Variants in SYT12 observed in about 807,000 individuals in gnomAD.
SYT12 encodes the protein synaptotagmin 12.
In SYT12, 27 loss-of-function variants were observed where a neutral mutation model predicts 39.5. The observed-to-expected ratio is 0.68, with a 90% confidence interval of 0.50 to 0.94. SYT12 has a LOEUF of 0.94. SYT12 is among the 40% of genes least tolerant of loss of function. SYT12 has a pLI of 0.00. For synonymous variants in SYT12, 233 were observed against 239.7 expected (o/e 0.97, Z 0.26); for missense variants, 536 against 572.6 (o/e 0.94, Z 0.65).
upstream of SYT12, among the ~76,000 whole-genome samples, chr11:67,018,689 G>A (rs1180255906): frequency 1.3e-5 from 2 of 152,120 alleles, no homozygotes; most frequent in African/African-American, 4.8e-5. Flanking sequence ...CGGGCATGGT[G>A]GTGAGCACCT....
intron 3 of SYT12, among the ~76,000 whole-genome samples, chr11:67,035,837 C>CTTTCTTTCTTTCTTT (rs1950363998): frequency 8.1e-5 from 9 of 111,142 alleles, no homozygotes; most frequent in East Asian, 2.8e-4. Context: ...TTCCTTCCTT[C>CTTTCTTTCTTTCTTT]CTTTCTTTCT....
intron 1 of SYT12, chr11:67,027,499 CAAAAAAAAAAAAAAA>C (rs970216195): frequency 3.1e-5 from 1 of 32,168 alleles, no homozygotes; most frequent in Admixed American, 3.2e-4. Flanking sequence ...GGCTCTGTCT[CAAAAAAAAAAAAAAA>C]AAAAAAAAAA....
At chr11:67,032,905 CA>C (rs562451881) in intron 2 of SYT12, 8,439 of 67,164 alleles carry the variant, frequency 0.13, 676 homozygotes, top group African/African-American at 0.32. Flanking sequence ...AACTCCATCT[CA>C]AAAAAAAAAA....
In SYT12 at chr11:67,050,456, AGGG is replaced by A. The variant is rs889739367; in HGVS notation, c.*1701_*1703del. 5.9e-5 allele frequency: 9 copies of A among 152,532 alleles called. No homozygotes were observed. The highest frequency in any genetic ancestry group is 5.9e-4 in the Admixed American group (9 of 15,280). The allele number at this position is 152,532 out of a possible 1,614,324, so 9.4% of individuals were successfully genotyped here. A position where few individuals can be genotyped will look rare whatever the true frequency, so the allele number is the denominator to read the frequency against. ...TTATCCCCAGTGATATGGGGGGAGG[AGGG>A]GCTAGAACAAGGGCCCAGGGGACTG... On this transcript the variant is annotated 3_prime_UTR_variant, in exon 8 of 8. Coordinates refer to ENST00000527043, the MANE Select transcript of SYT12 (RefSeq NM_177963.4).
intron 1 of SYT12, among the ~76,000 whole-genome samples, chr11:67,024,930 A>C (rs1950161528): frequency 6.6e-6 from 1 of 152,154 alleles, no homozygotes; most frequent in Non-Finnish European, 1.5e-5. Context: ...TCCCCCGCCG[A>C]GGCACAACAT....
Position 67,043,831 on chromosome 11 carries a change from T to C in SYT12, c.815T>C (p.Leu272Pro). ...CCGCTGCAGCCCTTCAGTGGCTGGCTCTATTTACAGGACCAGAACAAGGTA... is the reference window on the plus strand; with the variant it reads ...CCGCTGCAGCCCTTCAGTGGCTGGCCCTATTTACAGGACCAGAACAAGGTA... ...DLPLQPFSGW[L>P]YLQDQNKAAD... The change falls in exon 5 of 8, where the codon CTC (leucine) becomes CCC (proline). Residue 272 changes from leucine (L) to proline (P), a missense_variant. Transcript: ENST00000527043. 1.2e-6 allele frequency: 2 copies of C among 1,614,084 alleles called. No homozygotes were observed. Among genetic ancestry groups the C allele is most frequent in the South Asian group, 1.1e-5 (1 of 91,088 alleles).
chr11:67,021,908 G>A (rs1327135498), upstream of SYT12: 1 of 151,908 alleles, frequency 6.6e-6, no homozygotes, highest in African/African-American at 2.4e-5. Flanking sequence ...CCCCCTGTGG[G>A]TGAAGGTAAG....
At chr11:67,010,524 G>A (rs1287875603) in intron 2 of SYT12, among the ~76,000 whole-genome samples, 1 of 152,174 alleles carries the variant, frequency 6.6e-6, no homozygotes, top group Non-Finnish European at 1.5e-5. Flanking sequence ...CCAACCCTGA[G>A]CTCATGCCCC....
intron 1 of SYT12, among the ~76,000 whole-genome samples, chr11:67,023,868 C>T (rs1173599596): frequency 1.3e-5 from 2 of 152,240 alleles, no homozygotes; most frequent in Admixed American, 6.5e-5. Flanking sequence ...GAGGCAGGAG[C>T]GCTGGGTCTG....
chr11:67,017,089 C>A (rs1950064440), intron 3 of SYT12, among the ~76,000 whole-genome samples: 1 of 152,198 alleles, frequency 6.6e-6, no homozygotes, highest in Non-Finnish European at 1.5e-5. Context: ...GTCCTCCAAC[C>A]TCATGAGTGA....
rs976514264 is a variant in SYT12 at position 67,049,412 on chromosome 11, G to A, written c.*655G>A. On this transcript the variant is annotated 3_prime_UTR_variant, in exon 8 of 8. Coordinates refer to ENST00000527043, the MANE Select transcript of SYT12 (RefSeq NM_177963.4). The stretch of plus-strand genomic sequence containing the variant: ...CTCGGGGCCGGAGAAGAGACCAAGA[G>A]ACCAGGCCCGGGCAGCAGCCTACCG... The A allele has an allele frequency of 6.6e-6, 1 of 152,260 alleles. No homozygotes were observed. The highest frequency in any genetic ancestry group is 2.4e-5 in the African/African-American group (1 of 41,458). 9.4% of individuals were successfully genotyped at this position (152,260 alleles called of 1,614,324 possible).
chr11:67,034,956 C>T (rs1950331136), intron 3 of SYT12, 118 bp downstream of exon 3: 1 of 705,904 alleles, frequency 1.4e-6, no homozygotes, highest in South Asian at 2.9e-5. Context: ...TAATGTCCTC[C>T]TTTGAAAGGG....
At chr11:67,014,936 A>T (rs1027888738) in intron 3 of SYT12, among the ~76,000 whole-genome samples, 1 of 152,172 alleles carries the variant, frequency 6.6e-6, no homozygotes, top group Non-Finnish European at 1.5e-5. Flanking sequence ...GTAAAAAAAA[A>T]AAAATTATTT....
Position 67,043,574 on chromosome 11 carries a change from A to G in SYT12, c.622-64A>G, listed in dbSNP as rs540734484. The G allele has an allele frequency of 1.4e-5, 21 of 1,501,330 alleles. No individual in the cohort carries two copies. In the East Asian group the frequency reaches 4.1e-4, roughly 29 times the overall value. 93.0% of individuals were successfully genotyped at this position (1,501,330 alleles called of 1,614,324 possible). On this transcript the variant is annotated intron_variant, in intron 4 of 7. Transcript: ENST00000527043. ...GCCTGGGCCTCTGGACTCCCTGTCC[A>G]GTGCTGTCTCCCTGCTGTGGCCTCT...
chr11:67,033,080 C>G (rs1259157384), intron 2 of SYT12, among the ~76,000 whole-genome samples: 2 of 152,128 alleles, frequency 1.3e-5, no homozygotes, highest in African/African-American at 4.8e-5. Context: ...ACTGTGTGAT[C>G]CATTCCTGTG....
chr11:67,008,869 C>T (rs1460039707), intron 1 of SYT12, among the ~76,000 whole-genome samples: 3 of 151,928 alleles, frequency 2.0e-5, no homozygotes, highest in Non-Finnish European at 2.9e-5. Context: ...CTCTCTGTAC[C>T]TCAGGTTCCG....
chr11:67,034,659 C>A lies in SYT12; in HGVS notation c.49C>A (p.Pro17Thr), dbSNP rs754492443. Reference protein sequence around the residue: ...EYHLSVIKSPPGWEVGVYAAG... With the variant: ...EYHLSVIKSPTGWEVGVYAAG... ...TTGCCTTGCAGTCATCAAGAGCCCCCCTGGCTGGGAGGTGGGTGTCTATGC... is the reference window on the plus strand; with the variant it reads ...TTGCCTTGCAGTCATCAAGAGCCCCACTGGCTGGGAGGTGGGTGTCTATGC... Residue 17 changes from proline (P) to threonine (T), a missense_variant, in exon 3 of 8, where the codon CCT (proline) becomes ACT (threonine). Coordinates refer to ENST00000527043, the MANE Select transcript of SYT12 (RefSeq NM_177963.4). The A allele has an allele frequency of 4.4e-6, 7 of 1,594,376 alleles. No homozygotes were observed. The African/African-American group carries it at 8.2e-5, about 19-fold the overall frequency.
At chr11:67,011,463 G>A (rs561869216) in intron 3 of SYT12, among the ~76,000 whole-genome samples, 2 of 152,242 alleles carry the variant, frequency 1.3e-5, no homozygotes, top group African/African-American at 4.8e-5. Flanking sequence ...GGCTGATCTC[G>A]AACTCCTGAC....
upstream of SYT12, among the ~76,000 whole-genome samples, chr11:67,019,166 G>A (rs1950084364): frequency 6.6e-6 from 1 of 151,986 alleles, no homozygotes; most frequent in Non-Finnish European, 1.5e-5. Flanking sequence ...AGCGAAAGGG[G>A]TTTCCCCTTA....
Sources: gnomAD v4.1 joint callset for allele counts (sites outside exome capture counted in the v4.1 genomes callset) on GRCh38, gnomAD v4.1.1 for gene constraint, MANE v1.5 for transcripts, NCBI Gene and HGNC (gene_info 2026-07-23, HGNC 2026-07-21) for gene names.